Variants in AGR3 observed in about 807,000 individuals in gnomAD.
The protein encoded by AGR3 is anterior gradient 3, protein disulphide isomerase family member, also known as anterior gradient protein 3.
In AGR3, 37 loss-of-function variants were observed where a neutral mutation model predicts 24.5. The ratio of observed to expected loss-of-function variants is 1.51; its 90% CI spans 1.16 to 1.99. AGR3 has a LOEUF of 1.99. AGR3 is among the 30% of genes most tolerant of loss of function. The pLI is 0.00. For synonymous variants in AGR3, 75 were observed against 61.6 expected, an observed-to-expected ratio of 1.22 and a Z score of -1.02; for missense variants, 228 against 191.1, an observed-to-expected ratio of 1.19 and a Z score of -1.14.
chr7:16,877,172 G>C (rs1782000008), intron 2 of AGR3, among the ~76,000 whole-genome samples: 1 of 150,260 alleles, frequency 6.7e-6, no homozygotes, highest in East Asian at 1.9e-4. Context: ...GAATGTACTT[G>C]GGAAGCAAGT....
chr7:16,871,975 A>G (rs1045179833), intron 3 of AGR3, among the ~76,000 whole-genome samples: 1 of 152,206 alleles, frequency 6.6e-6, no homozygotes, highest in Non-Finnish European at 1.5e-5. Flanking sequence ...AAATGGAAAG[A>G]CATCCCATGC....
At chr7:16,863,628 T>C (rs1349762318) in intron 3 of AGR3, among the ~76,000 whole-genome samples, 1 of 152,106 alleles carries the variant, frequency 6.6e-6, no homozygotes, top group Non-Finnish European at 1.5e-5. Flanking sequence ...TTCACATTTA[T>C]GTGTATGTAT....
chr7:16,873,297 T>G (rs1419360640), intron 3 of AGR3: 1 of 153,076 alleles, frequency 6.5e-6, no homozygotes, highest in Non-Finnish European at 1.5e-5. Flanking sequence ...CACAGCAGCA[T>G]GAATGAGCCT....
intron 6 of AGR3, among the ~76,000 whole-genome samples, chr7:16,861,182 C>T (rs1468674609): frequency 6.6e-6 from 1 of 152,112 alleles, no homozygotes; most frequent in Non-Finnish European, 1.5e-5. Context: ...TAATAGCATA[C>T]ATGCTTTGAA....
downstream of AGR3, among the ~76,000 whole-genome samples, chr7:16,859,242 A>AAT (rs1781594907): frequency 6.6e-6 from 1 of 151,492 alleles, no homozygotes; most frequent in South Asian, 2.1e-4. Flanking sequence ...AAAAAAAAAA[A>AAT]TTTAGAAAAT....
rs1781600157 is a variant in AGR3 at position 16,859,521 on chromosome 7, G to T, written c.*61C>A. 5 of 1,141,392 alleles carry T rather than the reference G, an allele frequency of 4.4e-6. No individual in the cohort carries two copies. Among genetic ancestry groups the T allele is most frequent in the African/African-American group, 3.0e-5 (2 of 65,648 alleles). 70.7% of individuals were successfully genotyped at this position (1,141,392 alleles called of 1,614,324 possible). A position where few individuals can be genotyped will look rare whatever the true frequency, so the allele number is the denominator to read the frequency against. ...TTGCACATTTAGTATTTGTCAATGT[G>T]CCAGAGGTTTTCTTCATGAAATTTG... On this transcript the variant is annotated 3_prime_UTR_variant, in exon 8 of 8. Coordinates refer to ENST00000310398, the MANE Select transcript of AGR3 (RefSeq NM_176813.5).
At chr7:16,864,789 T>G in intron 3 of AGR3, 1 of 992,790 alleles carries the variant, frequency 1.0e-6, no homozygotes, top group Non-Finnish European at 1.6e-6. Context: ...ATCCTCCGGC[T>G]TTGTTGGAAT....
downstream of AGR3, among the ~76,000 whole-genome samples, chr7:16,854,774 A>T (rs879584435): frequency 5.3e-5 from 8 of 152,164 alleles, no homozygotes; most frequent in Non-Finnish European, 7.3e-5. Flanking sequence ...GAGGGCTGTG[A>T]AGGAGAATCT....
intron 3 of AGR3, chr7:16,866,214 A>G: frequency 3.8e-6 from 2 of 528,960 alleles, no homozygotes; most frequent in South Asian, 1.5e-5. Flanking sequence ...AATAGTAGAG[A>G]TGTCTCTATA....
intron 2 of AGR3, among the ~76,000 whole-genome samples, chr7:16,875,114 CAAAAAA>C (rs58302584): frequency 1.3e-4 from 17 of 135,222 alleles, no homozygotes; most frequent in Non-Finnish European, 2.2e-4. Context: ...GACTCCATCT[CAAAAAA>C]AAAAAAAAAA....
chr7:16,858,899 G>A (rs1461625044), downstream of AGR3, among the ~76,000 whole-genome samples: 1 of 152,038 alleles, frequency 6.6e-6, no homozygotes. Context: ...AATAAATGTA[G>A]TTGAATTTTT....
chr7:16,858,213 C>T (rs948531073), downstream of AGR3, among the ~76,000 whole-genome samples: 3 of 152,120 alleles, frequency 2.0e-5, no homozygotes, highest in East Asian at 1.9e-4. Context: ...TAGTTAGTCT[C>T]GAACTCCTGA....
intron 6 of AGR3, among the ~76,000 whole-genome samples, chr7:16,860,929 T>G (rs1781629089): frequency 6.6e-6 from 1 of 152,246 alleles, no homozygotes. Context: ...TGTGTTCATT[T>G]GCTTAGGATA....
At position 16,865,493 on chromosome 7, in the gene AGR3, GA is replaced by G. The variant is rs1366776263; in HGVS notation, c.174-2832del. ...AATGCTCTTCCCGAATTTCTTTGGGGAACAAGAAACTTTGATTATTTTTACC... is the reference window on the plus strand; with the variant it reads ...AATGCTCTTCCCGAATTTCTTTGGGGACAAGAAACTTTGATTATTTTTACC... On this transcript the variant is annotated intron_variant, in intron 3 of 7. Transcript: ENST00000310398. 10 of 720,810 alleles carry G rather than the reference GA, an allele frequency of 1.4e-5. No individual in the cohort carries two copies. In the South Asian group the frequency reaches 1.4e-4, roughly 10 times the overall value. 44.7% of individuals were successfully genotyped at this position (720,810 alleles called of 1,614,324 possible).
chr7:16,855,101 A>C (rs1252484112), downstream of AGR3, among the ~76,000 whole-genome samples: 1 of 152,226 alleles, frequency 6.6e-6, no homozygotes, highest in African/African-American at 2.4e-5. Flanking sequence ...CATATCGATC[A>C]TCCCAAACAT....
At chr7:16,859,706 C>T (rs1197757449) in intron 7 of AGR3, 75 bp from the exon 8 acceptor site, 13 of 974,462 alleles carry the variant, frequency 1.3e-5, no homozygotes, top group African/African-American at 4.9e-5. Context: ...AACTCTAGAA[C>T]CTGAAATTGG....
intron 3 of AGR3, among the ~76,000 whole-genome samples, chr7:16,863,558 G>A (rs1781689897): frequency 6.6e-6 from 1 of 151,818 alleles, no homozygotes; most frequent in Non-Finnish European, 1.5e-5. Context: ...GAGGTTTTCA[G>A]GTCATATAAC....
downstream of AGR3, among the ~76,000 whole-genome samples, chr7:16,856,806 C>T (rs1177102462): frequency 6.6e-6 from 1 of 150,866 alleles, no homozygotes; most frequent in Admixed American, 6.7e-5. Flanking sequence ...TACACATACA[C>T]ACACACATAC....
chr7:16,866,007 T>C (rs1781752133), intron 3 of AGR3: 1 of 657,044 alleles, frequency 1.5e-6, no homozygotes, highest in South Asian at 1.5e-5. Flanking sequence ...GCCAAGTTCA[T>C]GCTAACTTTC....
Sources: gnomAD v4.1 joint callset for allele counts (sites outside exome capture counted in the v4.1 genomes callset) on GRCh38, gnomAD v4.1.1 for gene constraint, MANE v1.5 for transcripts, NCBI Gene and HGNC (gene_info 2026-07-23, HGNC 2026-07-21) for gene names.